CDKAL1: variants seen among roughly 807,000 people sequenced by gnomAD.
CDKAL1 encodes threonylcarbamoyladenosine tRNA methylthiotransferase.
CDKAL1 carries 32 observed loss-of-function variants against 68.2 expected under a neutral mutation model. The ratio of observed to expected loss-of-function variants is 0.47; its 90% CI spans 0.35 to 0.63. The LOEUF is 0.63. CDKAL1 is among the 30% of genes least tolerant of loss of function. The probability of loss-of-function intolerance (pLI) is 0.00; values close to 1 mark genes in which losing one functional copy is unlikely to be tolerated. For missense variants in CDKAL1, 606 were observed against 696.7 expected (o/e 0.87, Z 1.47); for synonymous variants, 234 against 244.3 (o/e 0.96, Z 0.39).
At chr6:21,003,395 T>C (rs200495831) in intron 11 of CDKAL1, among the ~76,000 whole-genome samples, 1,435 of 84,534 alleles carry the variant, frequency 0.017, 54 homozygotes, top group African/African-American at 0.066. Context: ...CACACATATA[T>C]ACACACATAC....
Position 21,186,845 on chromosome 6 carries a change from A to T in CDKAL1, c.1300-11176A>T, listed in dbSNP as rs186146375. 8.1e-4 allele frequency among the ~76,000 whole-genome samples: 124 copies of T among 152,302 alleles called. 1 individual carries two copies. Among genetic ancestry groups the T allele is most frequent in the Admixed American group, 7.5e-3 (114 of 15,300 alleles). On this transcript the variant is annotated intron_variant, in intron 13 of 15. Transcript: ENST00000274695. ...TTTCCGTTAAATTTTTAAAAACAACATCATAATGTTTTAGAGCAGCCCTCT... is the reference window on the plus strand; with the variant it reads ...TTTCCGTTAAATTTTTAAAAACAACTTCATAATGTTTTAGAGCAGCCCTCT...
chr6:21,166,346 A>G (rs866138737), intron 13 of CDKAL1, among the ~76,000 whole-genome samples: 1 of 152,178 alleles, frequency 6.6e-6, no homozygotes, highest in Non-Finnish European at 1.5e-5. Flanking sequence ...AAAATGTTTC[A>G]GGTGATTAGA....
chr6:20,589,353 T>TAC (rs1765499668), intron 4 of CDKAL1, among the ~76,000 whole-genome samples: 1 of 152,242 alleles, frequency 6.6e-6, no homozygotes, highest in South Asian at 2.1e-4. Context: ...TATTTGACAT[T>TAC]ACACACACAT....
chr6:20,649,305 A>T lies in CDKAL1; in HGVS notation c.299A>T (p.Asp100Val). Residue 100 changes from aspartate (D) to valine (V), a missense_variant, in exon 5 of 16, where the codon GAT becomes GTT. Transcript: ENST00000274695. ...YGYKITENAS[D>V]ADLWLLNSCT... is the part of the protein sequence containing the mutation. ...ATTTTTTTAATAGAAAATGCATCCG[A>T]TGCAGATTTATGGCTCCTGAACAGT... 1 of 1,606,848 alleles carries T rather than the reference A, an allele frequency of 6.2e-7. No individual in the cohort carries two copies. Among genetic ancestry groups the T allele is most frequent in the Non-Finnish European group, 8.5e-7 (1 of 1,177,226 alleles).
At position 20,784,408 on chromosome 6, in the gene CDKAL1, A is replaced by ATTTTTTTT. The variant is rs1402113263; in HGVS notation, c.638+3146_638+3147insTTTTTTTT. Among the ~76,000 whole-genome samples the ATTTTTTTT allele has an allele frequency of 2.6e-3, 60 of 22,980 alleles. 1 individual carries two copies. Among genetic ancestry groups the ATTTTTTTT allele is most frequent in the East Asian group, 4.4e-3 (4 of 910 alleles). 15.1% of individuals were successfully genotyped at this position (22,980 alleles called of 152,430 possible). On this transcript the variant is annotated intron_variant, in intron 8 of 15. Transcript: ENST00000274695. ...GTGTTTTTTTTCTTCCAGATATTTTATTTCTTTTTTTTTTTTTTTTTTTTT... is the reference window on the plus strand; with the variant it reads ...GTGTTTTTTTTCTTCCAGATATTTTATTTTTTTTTTTCTTTTTTTTTTTTTTTTTTTTT...
intron 9 of CDKAL1, among the ~76,000 whole-genome samples, chr6:20,916,182 G>A (rs1762715773): frequency 6.6e-6 from 1 of 152,146 alleles, no homozygotes; most frequent in Non-Finnish European, 1.5e-5. Context: ...AAAAGAGTGA[G>A]TTCATGATGG....
rs1345231708 is a variant in CDKAL1 at position 20,996,718 on chromosome 6, C to CAG, written c.910-3505_910-3504dup. Among the ~76,000 whole-genome samples, 6 of 152,246 alleles carry CAG rather than the reference C, an allele frequency of 3.9e-5. No individual in the cohort carries two copies. In the East Asian group the frequency reaches 7.7e-4, roughly 20 times the overall value. On this transcript the variant is annotated intron_variant, in intron 10 of 15. Transcript: ENST00000274695. ...TTGCAAGAATTACCAAAATGTGACA[C>CAG]AGAGATACGAAGTGAGCACATGCTG...
In CDKAL1 at chr6:21,108,395, T is replaced by TC. The variant is rs1280863716; in HGVS notation, c.1237-5dup. 21 of 1,601,496 alleles carry TC rather than the reference T, an allele frequency of 1.3e-5. No homozygotes were observed. Among genetic ancestry groups the TC allele is most frequent in the East Asian group, 6.7e-5 (3 of 44,708 alleles). On this transcript the variant is annotated splice_region_variant and splice_polypyrimidine_tract_variant and intron_variant, in intron 12 of 15. Coordinates refer to ENST00000274695, the MANE Select transcript of CDKAL1 (RefSeq NM_017774.3). ...GGTTTTTTGTTTTTTTTGTTTTTTT[T>TC]CACAGAAAAAGCAAAGGACAAAAGA... is the stretch of plus-strand genomic sequence containing the variant.
At chr6:20,609,263 TC>T (rs1400913638) in intron 4 of CDKAL1, among the ~76,000 whole-genome samples, 20 of 134,280 alleles carry the variant, frequency 1.5e-4, no homozygotes, top group East Asian at 6.6e-4. Context: ...CCTCCTTCCT[TC>T]CTCCTCCTTC....
At chr6:20,534,811 G>A (rs1763104685) in intron 1 of CDKAL1, among the ~76,000 whole-genome samples, 1 of 152,176 alleles carries the variant, frequency 6.6e-6, no homozygotes, top group Non-Finnish European at 1.5e-5. Context: ...TAGGCACCTC[G>A]TTCCTTATTG....
intron 13 of CDKAL1, among the ~76,000 whole-genome samples, chr6:21,182,413 A>G (rs1777828354): frequency 6.6e-6 from 1 of 152,212 alleles, no homozygotes; most frequent in Admixed American, 6.5e-5. Context: ...GTTACAAATG[A>G]ACAAAATCTC....
At chr6:20,784,157 G>A (rs1252939984) in intron 8 of CDKAL1, among the ~76,000 whole-genome samples, 1 of 151,136 alleles carries the variant, frequency 6.6e-6, no homozygotes, top group East Asian at 2.0e-4. Flanking sequence ...AGGTTGCAGT[G>A]AGCTGAGATC....
At chr6:20,617,405 T>C (rs1766967800) in intron 4 of CDKAL1, among the ~76,000 whole-genome samples, 1 of 152,124 alleles carries the variant, frequency 6.6e-6, no homozygotes, top group Non-Finnish European at 1.5e-5. Context: ...GTGCTTCAAA[T>C]GTAGCTTAAA....
At position 20,835,895 on chromosome 6, in the gene CDKAL1, T is replaced by C. The variant is rs565558123; in HGVS notation, c.639-10180T>C. On this transcript the variant is annotated intron_variant, in intron 8 of 15. Coordinates refer to ENST00000274695, the MANE Select transcript of CDKAL1 (RefSeq NM_017774.3). ...AGTTTTCATATCTGAAAAATGGAGC[T>C]TCTACTACCGGCACCAAGAATCTGC... Among the ~76,000 whole-genome samples, 6 of 152,246 alleles carry C rather than the reference T, an allele frequency of 3.9e-5. No homozygotes were observed. The East Asian group carries it at 9.7e-4, about 25-fold the overall frequency.
At chr6:20,994,765 C>G (rs2150806032) in intron 10 of CDKAL1, among the ~76,000 whole-genome samples, 1 of 152,240 alleles carries the variant, frequency 6.6e-6, no homozygotes, top group South Asian at 2.1e-4. Context: ...AATGTACATA[C>G]CTTAATTTTA....
intron 11 of CDKAL1, among the ~76,000 whole-genome samples, chr6:21,006,101 G>T (rs954348021): frequency 6.6e-6 from 1 of 152,066 alleles, no homozygotes; most frequent in South Asian, 2.1e-4. Flanking sequence ...TCTGCAAAAA[G>T]GATGCTAAAT....
intron 13 of CDKAL1, among the ~76,000 whole-genome samples, chr6:21,183,866 C>T (rs1777899103): frequency 6.6e-6 from 1 of 152,134 alleles, no homozygotes; most frequent in Non-Finnish European, 1.5e-5. Context: ...AAATAAAATT[C>T]TAAGCCCCCC....
At chr6:20,579,763 T>C (rs1765066859) in intron 4 of CDKAL1, among the ~76,000 whole-genome samples, 1 of 152,206 alleles carries the variant, frequency 6.6e-6, no homozygotes, top group Non-Finnish European at 1.5e-5. Context: ...CATTCGTCCT[T>C]GATCCTAGGG....
intron 8 of CDKAL1, among the ~76,000 whole-genome samples, chr6:20,786,331 C>T (rs1444374998): frequency 2.0e-5 from 3 of 151,996 alleles, no homozygotes; most frequent in Non-Finnish European, 4.4e-5. Context: ...CAGCAGGATA[C>T]GGTGTGTGTG....
Sources: allele counts gnomAD v4.1 joint callset (sites outside exome capture counted in the v4.1 genomes callset), GRCh38; gene constraint gnomAD v4.1.1; transcripts MANE v1.5; gene names NCBI Gene and HGNC (gene_info 2026-07-23, HGNC 2026-07-21).